ERCC8: variants seen among roughly 807,000 people sequenced by gnomAD.
The protein encoded by ERCC8 is ERCC excision repair 8, CSA ubiquitin ligase complex subunit.
Under a neutral mutation model 54.9 loss-of-function variants are expected in ERCC8, and 52 were observed. That is an observed-to-expected ratio of 0.95 (90% CI 0.76 to 1.19). The LOEUF (loss-of-function observed/expected upper bound fraction) is 1.19, where lower values mean the gene tolerates loss of function less well. ERCC8 is among the 50% of genes most tolerant of loss of function. The pLI, the probability that ERCC8 is intolerant of heterozygous loss-of-function variation, is 0.00. For missense variants in ERCC8, 514 were observed against 466.1 expected (o/e 1.10, Z -0.95); for synonymous variants, 146 against 157.2 (o/e 0.93, Z 0.53).
intron 1 of ERCC8, among the ~76,000 whole-genome samples, chr5:60,933,541 A>G (rs1749975973): frequency 6.6e-6 from 1 of 151,894 alleles, no homozygotes; most frequent in African/African-American, 2.4e-5. Context: ...TCTACTATAT[A>G]TTACTTAGTT....
chr5:60,928,865 A>G lies in ERCC8; in HGVS notation c.172T>C (p.Tyr58His), dbSNP rs953654238. The change falls in exon 2 of 12, where the codon TAC (tyrosine) becomes CAC (histidine). Residue 58 changes from tyrosine (Y) to histidine (H), a missense_variant and splice_region_variant. Coordinates refer to ENST00000676185, the MANE Select transcript of ERCC8 (RefSeq NM_000082.4). ...TLDIEPVEGRYMLSGGSDGVI... is the reference protein window; with the variant it reads ...TLDIEPVEGRHMLSGGSDGVI... ...ATTATACAAGTATAATAAACTTACT[A>G]TCTCCCTTCAACAGGTTCAATGTCA... The G allele has an allele frequency of 2.6e-6, 4 of 1,550,624 alleles. No individual in the cohort carries two copies. In the East Asian group the frequency reaches 6.8e-5, roughly 26 times the overall value.
At chr5:60,902,215 C>G (rs549168412) in intron 7 of ERCC8, among the ~76,000 whole-genome samples, 1 of 152,060 alleles carries the variant, frequency 6.6e-6, no homozygotes, top group Non-Finnish European at 1.5e-5. Context: ...CAACACAGTT[C>G]CTCTGTGTTC....
chr5:60,902,205 C>T (rs1039731081), intron 7 of ERCC8, among the ~76,000 whole-genome samples: 1 of 152,004 alleles, frequency 6.6e-6, no homozygotes, highest in Admixed American at 6.6e-5. Context: ...AAGAATGACA[C>T]AACACAGTTC....
chr5:60,888,418 T>A (rs891726582), intron 10 of ERCC8, among the ~76,000 whole-genome samples: 11 of 152,200 alleles, frequency 7.2e-5, no homozygotes, highest in African/African-American at 2.7e-4. Flanking sequence ...TTCAGTGCCC[T>A]TGAGTAATTT....
At chr5:60,886,643 AG>A (rs1426754677) in intron 11 of ERCC8, among the ~76,000 whole-genome samples, 3 of 151,900 alleles carry the variant, frequency 2.0e-5, no homozygotes, top group Non-Finnish European at 2.9e-5. Context: ...CAAAAGTTGC[AG>A]TGAGCCAAGA....
chr5:60,880,123 G>A (rs1399988397), intron 11 of ERCC8, among the ~76,000 whole-genome samples: 14 of 152,120 alleles, frequency 9.2e-5, no homozygotes, highest in Middle Eastern at 3.2e-3. Flanking sequence ...CTTCACTTAC[G>A]AAGCTTAGTT....
rs994379598 is a variant in ERCC8 at position 60,870,896 on chromosome 5, C to A, written c.*3719G>T. Among the ~76,000 whole-genome samples the A allele has an allele frequency of 6.6e-6, 1 of 152,072 alleles. No individual in the cohort carries two copies. Among genetic ancestry groups the A allele is most frequent in the African/African-American group, 2.4e-5 (1 of 41,420 alleles). ...CAGATTTCTTGACGAGATTAAGAAA[C>A]TGTAAGTTTTTACTTTTTTCTTTTA... On this transcript the variant is annotated 3_prime_UTR_variant, in exon 12 of 12. Coordinates refer to ENST00000676185, the MANE Select transcript of ERCC8 (RefSeq NM_000082.4).
chr5:60,920,448 G>A (rs1749569548), intron 3 of ERCC8, among the ~76,000 whole-genome samples: 1 of 151,744 alleles, frequency 6.6e-6, no homozygotes, highest in Admixed American at 6.6e-5. Flanking sequence ...TATATGTTCT[G>A]TTATTTTCAT....
chr5:60,920,752 C>T (rs1297977952), intron 3 of ERCC8, among the ~76,000 whole-genome samples: 1 of 151,898 alleles, frequency 6.6e-6, no homozygotes, highest in African/African-American at 2.4e-5. Context: ...AAGACTGACA[C>T]ATTACGCATT....
intron 3 of ERCC8, among the ~76,000 whole-genome samples, chr5:60,920,093 T>TGA (rs1396859516): frequency 6.6e-6 from 1 of 151,872 alleles, no homozygotes; most frequent in South Asian, 2.1e-4. Flanking sequence ...GCTGAGGAGT[T>TGA]GAGAGTCTGC....
intron 10 of ERCC8, among the ~76,000 whole-genome samples, chr5:60,887,738 A>G (rs1748437742): frequency 6.6e-6 from 1 of 152,218 alleles, no homozygotes; most frequent in Non-Finnish European, 1.5e-5. Flanking sequence ...AGAGCTTACT[A>G]ATGGTGTGAA....
At chr5:60,908,468 T>C (rs1243864712) in intron 4 of ERCC8, among the ~76,000 whole-genome samples, 1 of 151,648 alleles carries the variant, frequency 6.6e-6, no homozygotes, top group Non-Finnish European at 1.5e-5. Context: ...ATTGAACTCA[T>C]CATTCCAACC....
At chr5:60,874,766 A>AGAAAAAGGAAGATTCTGTTTTTTC in intron 11 of ERCC8, 83 bp from the exon 12 acceptor site, 1 of 1,148,502 alleles carries the variant, frequency 8.7e-7, no homozygotes, top group Non-Finnish European at 1.2e-6. Context: ...GTTATGAAAT[A>AGAAAAAGGAAGATTCTGTTTTTTC]TATCAGATAA....
rs371150465 is a variant in ERCC8 at position 60,898,379 on chromosome 5, T to G, written c.740A>C (p.Lys247Thr). Residue 247 changes from lysine to threonine, a missense_variant, in exon 9 of 12, where the codon AAA becomes ACA. Lys to Thr is a moderately conservative substitution (Grantham distance 78). Coordinates refer to ENST00000676185, the MANE Select transcript of ERCC8 (RefSeq NM_000082.4). Reference sequence around the variant, plus strand: ...ACTTGTAAAACATAAGCCATTAACTTTCCCATTATGAGCAGTGTTTGCTGC... The same window carrying G: ...ACTTGTAAAACATAAGCCATTAACTGTCCCATTATGAGCAGTGTTTGCTGC... Reference protein sequence around the residue: ...VESANTAHNGKVNGLCFTSDG... With the variant: ...VESANTAHNGTVNGLCFTSDG... The G allele has an allele frequency of 4.3e-6, 7 of 1,613,458 alleles. No homozygotes were observed. The highest frequency in any genetic ancestry group is 1.6e-4 in the Middle Eastern group (1 of 6,078).
intron 9 of ERCC8, among the ~76,000 whole-genome samples, chr5:60,891,376 T>G (rs1410934904): frequency 6.6e-6 from 1 of 152,060 alleles, no homozygotes; most frequent in African/African-American, 2.4e-5. Flanking sequence ...AGCAAAAAAT[T>G]AAAAAAACGT....
Position 60,887,424 on chromosome 5 carries a change from TG to T in ERCC8, c.1122+15del. On this transcript the variant is annotated intron_variant, in intron 11 of 11. Coordinates refer to ENST00000676185, the MANE Select transcript of ERCC8 (RefSeq NM_000082.4). ...GCTTTAGAAGTCACTGTACCATTTG[TG>T]AAAATAATATTTACCTCATCATCAT... 1 of 1,583,832 alleles carries T rather than the reference TG, an allele frequency of 6.3e-7. No homozygotes were observed. The highest frequency in any genetic ancestry group is 2.2e-5 in the East Asian group (1 of 44,658).
intron 2 of ERCC8, among the ~76,000 whole-genome samples, chr5:60,926,873 T>C (rs910937871): frequency 5.9e-5 from 9 of 152,252 alleles, no homozygotes; most frequent in Non-Finnish European, 8.8e-5. Flanking sequence ...TTTACAATAA[T>C]GTCAGATGTT....
intron 2 of ERCC8, among the ~76,000 whole-genome samples, chr5:60,926,993 G>A (rs1187336259): frequency 6.6e-6 from 1 of 152,172 alleles, no homozygotes; most frequent in Admixed American, 6.5e-5. Flanking sequence ...TGCTGATAGA[G>A]TATGAAGAGA....
rs369951599 is a variant in ERCC8 at position 60,922,058 on chromosome 5, C to G, written c.271G>C (p.Gly91Arg). The G allele has an allele frequency of 1.3e-5, 21 of 1,597,162 alleles. No individual in the cohort carries two copies. In the Admixed American group the frequency reaches 2.0e-4, roughly 15 times the overall value. ...YYTCKAVCSI[G>R]RDHPDVHRYS... ...TTTTACATTTTAAATACATACCTGCCAATGGAACACACTGCTTTACATGTG... is the reference window on the plus strand; with the variant it reads ...TTTTACATTTTAAATACATACCTGCGAATGGAACACACTGCTTTACATGTG... The change falls in exon 3 of 12, where the codon GGC becomes CGC. Residue 91 changes from glycine to arginine, a missense_variant. By Grantham distance (125) the Gly-to-Arg change is moderately radical (BLOSUM62 -2). Coordinates refer to ENST00000676185, the MANE Select transcript of ERCC8 (RefSeq NM_000082.4).
Sources: allele counts gnomAD v4.1 joint callset (sites outside exome capture counted in the v4.1 genomes callset), GRCh38; gene constraint gnomAD v4.1.1; transcripts MANE v1.5; gene names NCBI Gene and HGNC (gene_info 2026-07-23, HGNC 2026-07-21).